The following ADGRB1 variants were observed in gnomAD, a reference collection of about 807,000 sequenced individuals.
ADGRB1 encodes adhesion G protein-coupled receptor B1.
ADGRB1 carries 36 observed loss-of-function variants against 175.7 expected under a neutral mutation model. The observed-to-expected ratio is 0.20, with a 90% CI of 0.16 to 0.27. ADGRB1 has a LOEUF of 0.27. ADGRB1 is among the 10% of genes least tolerant of loss of function. The probability of loss-of-function intolerance (pLI) is 1.00; values close to 1 mark genes in which losing one functional copy is unlikely to be tolerated. For synonymous variants in ADGRB1, 1,054 were observed against 979.4 expected, an observed-to-expected ratio of 1.08 and a Z score of -1.42; for missense variants, 1,731 against 2,255.3, an observed-to-expected ratio of 0.77 and a Z score of 4.71.
chr8:142,515,191 A>G (rs1843345199), intron 18 of ADGRB1, among the ~76,000 whole-genome samples: 1 of 152,072 alleles, frequency 6.6e-6, no homozygotes, highest in Non-Finnish European at 1.5e-5. Flanking sequence ...AGGTCAGGGA[A>G]GGCGTGCAGG....
Position 142,543,732 on chromosome 8 carries a change from G to T in ADGRB1, c.4557+24G>T. The T allele has an allele frequency of 1.3e-6, 2 of 1,534,264 alleles. No homozygotes were observed. The highest frequency in any genetic ancestry group is 1.2e-5 in the South Asian group (1 of 83,740). ...AGGTCTGGAGGGCAGGGAGGGGCGG[G>T]GTGGGGAGAGCCCTTAGGTCAGGCC... On this transcript the variant is annotated intron_variant, in intron 30 of 30. Coordinates refer to ENST00000517894, the MANE Select transcript of ADGRB1 (RefSeq NM_001702.3). The surrounding 1 kb of genome is among the most constrained non-coding windows in gnomAD (Gnocchi z 4.4).
intron 6 of ADGRB1, 57 bp from the exon 7 acceptor site, chr8:142,478,130 G>A (rs1246838904): frequency 6.4e-7 from 1 of 1,555,468 alleles, no homozygotes; most frequent in Non-Finnish European, 8.7e-7. Flanking sequence ...CACATTCCAA[G>A]CCAGGCATTG....
At chr8:142,459,659 C>T (rs1207400801) in intron 1 of ADGRB1, among the ~76,000 whole-genome samples, 1 of 152,240 alleles carries the variant, frequency 6.6e-6, no homozygotes, top group Non-Finnish European at 1.5e-5. Flanking sequence ...CTCACATATG[C>T]ACACTCACAG....
intron 27 of ADGRB1, among the ~76,000 whole-genome samples, chr8:142,540,745 G>A (rs772920704): frequency 6.6e-6 from 1 of 152,092 alleles, no homozygotes; most frequent in Non-Finnish European, 1.5e-5. Flanking sequence ...TGCGTCCCGA[G>A]AGTGCTGTGG....
At chr8:142,473,717 G>C (rs536258927) in intron 2 of ADGRB1, among the ~76,000 whole-genome samples, 1 of 152,362 alleles carries the variant, frequency 6.6e-6, no homozygotes, top group East Asian at 1.9e-4. Context: ...TGTGAGTGAA[G>C]GAAGAGGGTT....
In ADGRB1 at chr8:142,537,929, C is replaced by G. The variant is rs1012187376; in HGVS notation, c.3666+847C>G. On this transcript the variant is annotated intron_variant, in intron 26 of 30. Transcript: ENST00000517894. The surrounding 1 kb of genome is among the most constrained non-coding windows in gnomAD (Gnocchi z 4.6). ...CACCAAGTCTGCTCCCACCCACACC[C>G]GTCACTAGACCTCCTGCTTCTGCAC... is the stretch of plus-strand genomic sequence containing the variant. 6.6e-6 allele frequency among the ~76,000 whole-genome samples: 1 copy of G among 152,158 alleles called. No individual in the cohort carries two copies. The highest frequency in any genetic ancestry group is 2.4e-5 in the African/African-American group (1 of 41,436).
chr8:142,466,167 A>G (rs534523137), intron 2 of ADGRB1, among the ~76,000 whole-genome samples: 1 of 152,190 alleles, frequency 6.6e-6, no homozygotes, highest in Non-Finnish European at 1.5e-5. Context: ...GACTGCATAC[A>G]TCGGGTGTTC....
intron 18 of ADGRB1, among the ~76,000 whole-genome samples, chr8:142,516,003 T>C (rs552762435): frequency 6.6e-6 from 1 of 152,348 alleles, no homozygotes; most frequent in African/African-American, 2.4e-5. Flanking sequence ...GCCTGGTGGG[T>C]TGGCAGTGCT....
At position 142,455,136 on chromosome 8, in the gene ADGRB1, G is replaced by A. The variant is rs866563848; in HGVS notation, c.-220+5032G>A. On this transcript the variant is annotated intron_variant, in intron 1 of 30. Coordinates refer to ENST00000517894, the MANE Select transcript of ADGRB1 (RefSeq NM_001702.3). The surrounding 1 kb of genome is among the most constrained non-coding windows in gnomAD (Gnocchi z 4.9). ...CATCACCCCCACCACCATTGCCCCCGAGGCTACCTCAGCCGCACCCTGCCG... is the reference window on the plus strand; with the variant it reads ...CATCACCCCCACCACCATTGCCCCCAAGGCTACCTCAGCCGCACCCTGCCG... Among the ~76,000 whole-genome samples, 152 of 39,460 alleles carry A rather than the reference G, an allele frequency of 3.9e-3. No individual in the cohort carries two copies. The highest frequency in any genetic ancestry group is 0.014 in the African/African-American group (132 of 9,288). 25.9% of individuals were successfully genotyped at this position (39,460 alleles called of 152,430 possible).
At chr8:142,512,550 T>A (rs949112445) in intron 18 of ADGRB1, among the ~76,000 whole-genome samples, 1 of 152,130 alleles carries the variant, frequency 6.6e-6, no homozygotes, top group Non-Finnish European at 1.5e-5. Context: ...CCCAGCCCGG[T>A]GTCAGGCCTG....
chr8:142,475,324 C>T (rs930503773), intron 2 of ADGRB1, 150 bp from the exon 3 acceptor site: 2 of 793,952 alleles, frequency 2.5e-6, no homozygotes, highest in Non-Finnish European at 3.4e-6. Flanking sequence ...AGACACCAGA[C>T]CCCCAGGTCC....
rs768786622 is a variant in ADGRB1, at chr8:142,484,719, C to T, written c.2263C>T (p.Arg755Cys). 23 of 1,611,924 alleles carry T rather than the reference C, an allele frequency of 1.4e-5. No individual in the cohort carries two copies. The highest frequency in any genetic ancestry group is 1.9e-5 in the Non-Finnish European group (22 of 1,179,238). ...GGACTTTGTGGACGTCATCGGCTTC[C>T]GCATGAAGGACCTGAGGGATGCATA... Reference protein sequence around the residue: ...VEDFVDVIGFRMKDLRDAYQV... With the variant: ...VEDFVDVIGFCMKDLRDAYQV... Residue 755 changes from arginine (R) to cysteine (C), a missense_variant, in exon 13 of 31, where the codon CGC (arginine) becomes TGC (cysteine). Arg to Cys is a radical substitution (Grantham distance 180). Around this residue, in one of 8 missense-constraint regions of ADGRB1, gnomAD observed 388 missense variants for 630.9 expected, o/e 0.61. Coordinates refer to ENST00000517894, the MANE Select transcript of ADGRB1 (RefSeq NM_001702.3).
Position 142,479,775 on chromosome 8 carries a change from G to T in ADGRB1, c.1809G>T (p.Arg603=), listed in dbSNP as rs776669456. ...ETPAGEVAAV[R]CPRNATGLIL... ...CAGCGGGAGAGGTGGCTGCTGTCCG[G>T]TGTCCCCGCAACGCCACAGGTGAGG... Residue 603 remains arginine (R), a synonymous_variant, in exon 9 of 31, where the codon CGG becomes CGT. Coordinates refer to ENST00000517894, the MANE Select transcript of ADGRB1 (RefSeq NM_001702.3). 1.2e-5 allele frequency: 19 copies of T among 1,612,724 alleles called. No individual in the cohort carries two copies. The highest frequency in any genetic ancestry group is 1.6e-5 in the Non-Finnish European group (19 of 1,179,434).
chr8:142,459,653 C>T (rs899020461), intron 1 of ADGRB1, among the ~76,000 whole-genome samples: 2 of 152,240 alleles, frequency 1.3e-5, no homozygotes, highest in Non-Finnish European at 2.9e-5. Flanking sequence ...TTCATGCTCA[C>T]ATATGCACAC....
chr8:142,491,857 G>A (rs1841996955), intron 17 of ADGRB1, among the ~76,000 whole-genome samples: 1 of 152,198 alleles, frequency 6.6e-6, no homozygotes, highest in South Asian at 2.1e-4. Flanking sequence ...CTCTGTGAGT[G>A]GCAGGCGTTG....
In ADGRB1 at chr8:142,542,543, C is replaced by G; in HGVS notation, c.4309C>G (p.Pro1437Ala). Residue 1437 changes from proline to alanine, a missense_variant, in exon 28 of 31, where the codon CCC becomes GCC. Pro to Ala is a conservative substitution (Grantham distance 27, BLOSUM62 -1). This residue lies in a region of ADGRB1 where 394 missense variants were observed against 410.2 expected (regional missense o/e 0.96). Coordinates refer to ENST00000517894, the MANE Select transcript of ADGRB1 (RefSeq NM_001702.3). The surrounding 1 kb of genome is among the most constrained non-coding windows in gnomAD (Gnocchi z 6.3). ...ACCGCCCAATCTGGAGCCGGCACCC[C>G]CCAGCCTGGGGGATCCCGGGGAGCC... ...PPPPNLEPAP[P>A]SLGDPGEPAA... The G allele has an allele frequency of 6.6e-7, 1 of 1,519,266 alleles. No homozygotes were observed. Among genetic ancestry groups the G allele is most frequent in the Non-Finnish European group, 8.8e-7 (1 of 1,134,452 alleles). 94.1% of individuals were successfully genotyped at this position (1,519,266 alleles called of 1,614,324 possible). A position where few individuals can be genotyped will look rare whatever the true frequency, so the allele number is the denominator to read the frequency against.
rs371115579 is a variant in ADGRB1 at position 142,477,190 on chromosome 8, G to C, written c.1134G>C (p.Thr378=). 1 of 1,597,330 alleles carries C rather than the reference G, an allele frequency of 6.3e-7. No homozygotes were observed. Among genetic ancestry groups the C allele is most frequent in the African/African-American group, 1.3e-5 (1 of 74,538 alleles). The change falls in exon 5 of 31, where the codon ACG becomes ACC. Residue 378 remains threonine, a synonymous_variant. Coordinates refer to ENST00000517894, the MANE Select transcript of ADGRB1 (RefSeq NM_001702.3). ...STCGEGWQTR[T]RFCVSSSYST... is the part of the protein sequence containing the mutation. ...GCGGCGAGGGCTGGCAGACCCGCAC[G>C]CGCTTCTGCGTGTCCTCCTCCTACA...
intron 24 of ADGRB1, among the ~76,000 whole-genome samples, chr8:142,527,703 C>A (rs1844294159): frequency 1.3e-5 from 2 of 152,170 alleles, no homozygotes; most frequent in South Asian, 2.1e-4. Context: ...CAGAAGAGGT[C>A]CCCAGGGCTA....
At chr8:142,490,938 C>T (rs1048039006) in intron 17 of ADGRB1, 123 bp downstream of exon 17, 180 of 1,281,294 alleles carry the variant, frequency 1.4e-4, no homozygotes, top group Middle Eastern at 2.0e-4. Context: ...TCTGTGTACC[C>T]GCATGGGCCT....
Sources: allele counts gnomAD v4.1 joint callset (sites outside exome capture counted in the v4.1 genomes callset), GRCh38; gene constraint gnomAD v4.1.1; regional missense constraint gnomAD v4.1.1; non-coding constraint Gnocchi (gnomAD v3.1); transcripts MANE v1.5; gene names NCBI Gene and HGNC (gene_info 2026-07-23, HGNC 2026-07-21).